Variants in TRAM2 observed in about 807,000 individuals in gnomAD.
The protein encoded by TRAM2 is translocating chain-associated membrane protein 2.
Under a neutral mutation model 51.0 loss-of-function variants are expected in TRAM2, and 12 were observed. The ratio of observed to expected loss-of-function variants is 0.24; its 90% CI spans 0.15 to 0.38. The LOEUF (loss-of-function observed/expected upper bound fraction) is 0.38. TRAM2 is among the 10% of genes least tolerant of loss of function. TRAM2 has a pLI of 1.00. For synonymous variants in TRAM2, 175 were observed against 179.4 expected, an observed-to-expected ratio of 0.98 and a Z score of 0.20; for missense variants, 361 against 462.0, an observed-to-expected ratio of 0.78 and a Z score of 2.00.
At chr6:52,523,443 TTA>T (rs1766716018) in intron 2 of TRAM2, 1 of 152,572 alleles carries the variant, frequency 6.6e-6, no homozygotes, top group Non-Finnish European at 1.5e-5. Context: ...AAGATGGCTG[TTA>T]TACATTTAAA....
chr6:52,570,300 AG>A (rs1397730597), intron 1 of TRAM2, among the ~76,000 whole-genome samples: 1 of 152,170 alleles, frequency 6.6e-6, no homozygotes, highest in Non-Finnish European at 1.5e-5. Context: ...AGTCTCTTTC[AG>A]GGAGATGCAA....
At chr6:52,539,100 T>C (rs2268728) in intron 1 of TRAM2, among the ~76,000 whole-genome samples, 12,982 of 152,304 alleles carry the variant, frequency 0.085, 763 homozygotes, top group Non-Finnish European at 0.12. Flanking sequence ...GCTATCTCCA[T>C]GAGGCACATC....
intron 1 of TRAM2, among the ~76,000 whole-genome samples, chr6:52,567,208 G>A (rs549114275): frequency 2.0e-5 from 3 of 152,352 alleles, no homozygotes; most frequent in African/African-American, 7.2e-5. Flanking sequence ...TGACACAGCT[G>A]CAGGCTAAAG....
intron 1 of TRAM2, among the ~76,000 whole-genome samples, chr6:52,539,867 T>C (rs1364682440): frequency 6.6e-6 from 1 of 152,178 alleles, no homozygotes; most frequent in African/African-American, 2.4e-5. Context: ...GTCCCAGAGC[T>C]GGGTGAATAG....
At chr6:52,538,367 G>A (rs1767011424) in intron 1 of TRAM2, among the ~76,000 whole-genome samples, 2 of 150,102 alleles carry the variant, frequency 1.3e-5, no homozygotes, top group South Asian at 2.1e-4. Flanking sequence ...CCAGCTGTGT[G>A]TGGGCATAGG....
At chr6:52,534,328 T>C (rs2114085415) in intron 2 of TRAM2, among the ~76,000 whole-genome samples, 1 of 150,534 alleles carries the variant, frequency 6.6e-6, no homozygotes, top group East Asian at 2.0e-4. Flanking sequence ...TTGCAGTGAG[T>C]CGAGATCAGG....
At chr6:52,526,152 G>GACACAC (rs775593303) in intron 2 of TRAM2, among the ~76,000 whole-genome samples, 309 of 28,822 alleles carry the variant, frequency 0.011, 2 homozygotes, top group Middle Eastern at 0.018. Context: ...CACACAGACA[G>GACACAC]ACACACACAC....
intron 2 of TRAM2, among the ~76,000 whole-genome samples, chr6:52,521,539 A>C (rs988895373): frequency 2.0e-5 from 3 of 150,082 alleles, no homozygotes; most frequent in African/African-American, 4.9e-5. Flanking sequence ...CTAAAAATAC[A>C]AAAAAAAATT....
At chr6:52,505,878 T>C in intron 8 of TRAM2, 136 bp from the exon 9 acceptor site, 1 of 1,399,690 alleles carries the variant, frequency 7.1e-7, no homozygotes, top group Non-Finnish European at 9.7e-7. Flanking sequence ...ACGAGATATC[T>C]AAAATCAGAT....
chr6:52,502,990 T>C lies in TRAM2; in HGVS notation c.*207A>G, dbSNP rs144061637. Reference sequence around the variant, plus strand: ...CTGAGGGGGAGAAAGAGAAAGATTTTTGGCTTTATTGAGAATGGTTTGTGG... The same window carrying C: ...CTGAGGGGGAGAAAGAGAAAGATTTCTGGCTTTATTGAGAATGGTTTGTGG... On this transcript the variant is annotated 3_prime_UTR_variant, in exon 11 of 11. Coordinates refer to ENST00000182527, the MANE Select transcript of TRAM2 (RefSeq NM_012288.4). 2.3e-5 allele frequency: 14 copies of C among 604,710 alleles called. No homozygotes were observed. The highest frequency in any genetic ancestry group is 2.2e-4 in the African/African-American group (12 of 54,080). 37.5% of individuals were successfully genotyped at this position (604,710 alleles called of 1,614,324 possible).
chr6:52,557,235 T>A (rs1294971064), intron 1 of TRAM2, among the ~76,000 whole-genome samples: 3 of 151,472 alleles, frequency 2.0e-5, no homozygotes, highest in Non-Finnish European at 4.4e-5. Context: ...TGCACCAGGA[T>A]GTACAGACTG....
chr6:52,572,838 T>C (rs1767702855), intron 1 of TRAM2, among the ~76,000 whole-genome samples: 1 of 152,064 alleles, frequency 6.6e-6, no homozygotes, highest in Non-Finnish European at 1.5e-5. Flanking sequence ...CTACAAACAT[T>C]TCACCCTGAC....
chr6:52,566,448 C>T (rs1307604526), intron 1 of TRAM2, among the ~76,000 whole-genome samples: 1 of 152,114 alleles, frequency 6.6e-6, no homozygotes, highest in Non-Finnish European at 1.5e-5. Context: ...TGGACCAGTG[C>T]CCCAGCCTCC....
intron 2 of TRAM2, among the ~76,000 whole-genome samples, chr6:52,532,907 CTG>C (rs1766916396): frequency 6.6e-6 from 1 of 152,040 alleles, no homozygotes; most frequent in Non-Finnish European, 1.5e-5. Flanking sequence ...TTATGGTTTT[CTG>C]TGTTATAATT....
chr6:52,572,501 G>A (rs1369382891), intron 1 of TRAM2, among the ~76,000 whole-genome samples: 1 of 152,192 alleles, frequency 6.6e-6, no homozygotes, highest in African/African-American at 2.4e-5. Context: ...TACCTGGAAG[G>A]CTAAGGCAAG....
chr6:52,548,874 C>T (rs559714645), intron 1 of TRAM2, among the ~76,000 whole-genome samples: 1 of 152,234 alleles, frequency 6.6e-6, no homozygotes. Flanking sequence ...TCCATACCCA[C>T]AGTGTTCTTG....
At chr6:52,518,652 C>T (rs1352707717) in intron 2 of TRAM2, among the ~76,000 whole-genome samples, 1 of 151,958 alleles carries the variant, frequency 6.6e-6, no homozygotes, top group African/African-American at 2.4e-5. Flanking sequence ...CCACTGAGGA[C>T]CGAAGGGCTG....
In TRAM2 at chr6:52,577,025, C is replaced by A; in HGVS notation, c.-110G>T. 3 of 1,244,580 alleles carry A rather than the reference C, an allele frequency of 2.4e-6. No individual in the cohort carries two copies. The highest frequency in any genetic ancestry group is 3.0e-6 in the Non-Finnish European group (3 of 985,302). 77.1% of individuals were successfully genotyped at this position (1,244,580 alleles called of 1,614,324 possible). A position where few individuals can be genotyped will look rare whatever the true frequency, so the allele number is the denominator to read the frequency against. On this transcript the variant is annotated 5_prime_UTR_variant, in exon 1 of 11. Transcript: ENST00000182527. ...GCCCGCCGGCCCGCCGCCCGCTCTC[C>A]CACAGCCGCTCGCCCGCCCAGCGCG...
chr6:52,551,765 G>A (rs934812249), intron 1 of TRAM2, among the ~76,000 whole-genome samples: 2 of 152,236 alleles, frequency 1.3e-5, no homozygotes, highest in African/African-American at 4.8e-5. Context: ...GGTCTGCAGG[G>A]GTCAGTACGG....
Sources: gnomAD v4.1 joint callset for allele counts (sites outside exome capture counted in the v4.1 genomes callset) on GRCh38, gnomAD v4.1.1 for gene constraint, MANE v1.5 for transcripts, NCBI Gene and HGNC (gene_info 2026-07-23, HGNC 2026-07-21) for gene names.